Variants in TANC2 observed in about 807,000 individuals in gnomAD.
The protein encoded by TANC2 is tetratricopeptide repeat, ankyrin repeat and coiled-coil containing 2.
Under a neutral mutation model 210.5 loss-of-function variants are expected in TANC2, and 26 were observed. The observed-to-expected ratio is 0.12, with a 90% CI of 0.09 to 0.17. TANC2 has a LOEUF of 0.17. Among genes scored for constraint, TANC2 ranks in the 10% least tolerant of loss-of-function variants. TANC2 has a pLI of 1.00. For missense variants in TANC2, 2,129 were observed against 2,608.9 expected (o/e 0.82, Z 4.01); for synonymous variants, 931 against 967.1 (o/e 0.96, Z 0.69).
At chr17:63,416,998 T>C (rs1317076362) in intron 26 of TANC2, among the ~76,000 whole-genome samples, 1 of 152,126 alleles carries the variant, frequency 6.6e-6, no homozygotes, top group African/African-American at 2.4e-5. Context: ...TACCAAATAA[T>C]AGACTTTTTA....
At chr17:63,120,308 A>C (rs1043754369) in intron 4 of TANC2, among the ~76,000 whole-genome samples, 1 of 152,148 alleles carries the variant, frequency 6.6e-6, no homozygotes, top group African/African-American at 2.4e-5. Flanking sequence ...GTCCTTTTAT[A>C]ATAATCCCTA....
At chr17:63,013,762 TAAAAAAAAA>T (rs34126221) in intron 2 of TANC2, among the ~76,000 whole-genome samples, 2 of 101,760 alleles carry the variant, frequency 2.0e-5, no homozygotes, top group African/African-American at 7.6e-5. Context: ...ACCCTGTCTT[TAAAAAAAAA>T]AAAAAAAAAA....
chr17:63,066,287 C>T (rs914740101), intron 2 of TANC2, among the ~76,000 whole-genome samples: 1 of 152,044 alleles, frequency 6.6e-6, no homozygotes, highest in Admixed American at 6.6e-5. Context: ...CTGCCTATAG[C>T]ATCAGGTCCC....
At chr17:63,183,292 A>AT (rs890399808) in intron 5 of TANC2, among the ~76,000 whole-genome samples, 2 of 152,114 alleles carry the variant, frequency 1.3e-5, no homozygotes, top group African/African-American at 2.4e-5. Flanking sequence ...AATAATTCCT[A>AT]TTTTTTTCTG....
chr17:63,119,251 T>C (rs879535903), intron 4 of TANC2, among the ~76,000 whole-genome samples: 2 of 152,204 alleles, frequency 1.3e-5, no homozygotes, highest in African/African-American at 2.4e-5. Context: ...ATGCACTTTA[T>C]TTGGAAAATA....
At chr17:63,202,962 A>T (rs1254690472) in intron 7 of TANC2, among the ~76,000 whole-genome samples, 3 of 152,106 alleles carry the variant, frequency 2.0e-5, no homozygotes, top group Non-Finnish European at 4.4e-5. Flanking sequence ...CTTGCTTCTG[A>T]TGATGTAAAT....
chr17:63,010,181 T>C (rs1176276258), intron 2 of TANC2, among the ~76,000 whole-genome samples: 2 of 152,148 alleles, frequency 1.3e-5, no homozygotes, highest in African/African-American at 2.4e-5. Flanking sequence ...TAATGAGTGG[T>C]AGACTTTTGT....
chr17:63,342,838 T>C (rs1182245852), intron 12 of TANC2, among the ~76,000 whole-genome samples: 1 of 152,194 alleles, frequency 6.6e-6, no homozygotes, highest in East Asian at 1.9e-4. Flanking sequence ...ATTCATATGT[T>C]TTATAGTTTT....
chr17:62,973,909 C>G (rs1415615070), intron 1 of TANC2, among the ~76,000 whole-genome samples: 1 of 152,136 alleles, frequency 6.6e-6, no homozygotes, highest in African/African-American at 2.4e-5. Context: ...AAAGAAAGTT[C>G]CATTGGAACT....
chr17:63,250,760 A>C (rs909001452), intron 8 of TANC2, among the ~76,000 whole-genome samples: 6 of 152,162 alleles, frequency 3.9e-5, no homozygotes, highest in African/African-American at 1.2e-4. Context: ...TCCCATTCTC[A>C]TGTAGTTTAC....
chr17:63,190,904 T>A (rs1460909577), intron 5 of TANC2, among the ~76,000 whole-genome samples: 2 of 152,150 alleles, frequency 1.3e-5, no homozygotes, highest in Non-Finnish European at 2.9e-5. Flanking sequence ...CCTGATAATT[T>A]AGCACTGATT....
chr17:63,048,004 A>G (rs1036863287), intron 2 of TANC2, among the ~76,000 whole-genome samples: 4 of 152,166 alleles, frequency 2.6e-5, no homozygotes, highest in African/African-American at 9.7e-5. Flanking sequence ...GTCCTTAGCA[A>G]GACTTTTTAT....
chr17:63,073,908 A>G, intron 2 of TANC2, 35 bp from the exon 3 acceptor site: 1 of 1,527,024 alleles, frequency 6.5e-7, no homozygotes, highest in Non-Finnish European at 8.9e-7. Context: ...CAATCTCATT[A>G]TCTATTTGCT....
chr17:63,319,639 C>CTGCACCCAACCGGAAGTGGTATGT (rs1456721776), intron 11 of TANC2, among the ~76,000 whole-genome samples: 3 of 152,252 alleles, frequency 2.0e-5, no homozygotes, highest in African/African-American at 7.2e-5. Context: ...GCGTGAGCCA[C>CTGCACCCAACCGGAAGTGGTATGT]TGCACCCAAC....
intron 5 of TANC2, among the ~76,000 whole-genome samples, chr17:63,183,612 T>G (rs942196266): frequency 4.6e-5 from 7 of 152,230 alleles, no homozygotes; most frequent in African/African-American, 1.7e-4. Flanking sequence ...ACTCCACCAC[T>G]GTGTCATACA....
At chr17:63,203,749 G>C (rs2041609610) in intron 7 of TANC2, among the ~76,000 whole-genome samples, 1 of 152,052 alleles carries the variant, frequency 6.6e-6, no homozygotes, top group South Asian at 2.1e-4. Context: ...CACATTCAAA[G>C]AGCAGGGAAT....
rs1455462163 is a variant in TANC2, at chr17:62,966,247, G to T, written c.-526G>T. Among the ~76,000 whole-genome samples, 8 of 146,202 alleles carry T rather than the reference G, an allele frequency of 5.5e-5. No individual in the cohort carries two copies. Among genetic ancestry groups the T allele is most frequent in the Non-Finnish European group, 1.2e-4 (8 of 65,832 alleles). On this transcript the variant is annotated 5_prime_UTR_variant, in exon 1 of 28. Transcript: ENST00000689528. This position sits in a 1 kb window ranked among gnomAD's most constrained non-coding sequence, Gnocchi z 5.1. ...CCCCCAGCGCGGCGGCGGCGCTAGC[G>T]AGCGGCCGGCGGGGCGCGGGTTGCT...
chr17:63,139,087 A>G (rs1423192675), intron 4 of TANC2, among the ~76,000 whole-genome samples: 2 of 152,238 alleles, frequency 1.3e-5, no homozygotes, highest in Non-Finnish European at 2.9e-5. Context: ...ATCTCATCAA[A>G]TGACTAGATT....
chr17:63,042,402 A>G (rs184101878), intron 2 of TANC2, among the ~76,000 whole-genome samples: 13 of 152,274 alleles, frequency 8.5e-5, no homozygotes, highest in Admixed American at 6.5e-4. Context: ...AAATTATCCA[A>G]TATGCTAATA....
Sources: gnomAD v4.1 joint callset for allele counts (sites outside exome capture counted in the v4.1 genomes callset) on GRCh38, gnomAD v4.1.1 for gene constraint, Gnocchi (gnomAD v3.1) non-coding constraint, MANE v1.5 for transcripts, NCBI Gene and HGNC (gene_info 2026-07-23, HGNC 2026-07-21) for gene names.